Variants in FAT4 observed in about 807,000 individuals in gnomAD.
FAT4 encodes protocadherin Fat 4.
A neutral mutation model predicts 303.9 loss-of-function variants in FAT4; 84 were observed. That is an observed-to-expected ratio of 0.28 (90% CI 0.23 to 0.33). FAT4 has a LOEUF of 0.33. FAT4 is among the 10% of genes least tolerant of loss of function. FAT4 has a pLI of 1.00. For missense variants in FAT4, 6,005 were observed against 6,146.8 expected (o/e 0.98, Z 0.77); for synonymous variants, 2,307 against 2,298.8 (o/e 1.00, Z -0.10).
intron 8 of FAT4, among the ~76,000 whole-genome samples, chr4:125,437,244 A>G (rs1725486491): frequency 6.6e-6 from 1 of 152,132 alleles, no homozygotes; most frequent in African/African-American, 2.4e-5. Flanking sequence ...ATAAGGAAAG[A>G]GGCACTAGAA....
intron 2 of FAT4, among the ~76,000 whole-genome samples, chr4:125,347,237 G>A (rs971135748): frequency 6.7e-6 from 1 of 150,360 alleles, no homozygotes; most frequent in Non-Finnish European, 1.5e-5. Flanking sequence ...CATATATTAT[G>A]TCTATGTATT....
In FAT4 at chr4:125,452,390, C is replaced by T. The variant is rs201859188; in HGVS notation, c.11380C>T (p.Arg3794Trp). 1.7e-4 allele frequency: 272 copies of T among 1,614,028 alleles called. No individual in the cohort carries two copies. Among genetic ancestry groups the T allele is most frequent in the Middle Eastern group, 8.2e-4 (5 of 6,084 alleles). Residue 3794 changes from arginine to tryptophan, a missense_variant, in exon 10 of 18, where the codon CGG (arginine) becomes TGG (tryptophan). Transcript: ENST00000394329. The part of the protein sequence containing the change: ...FFESIKEILL[R>W]QSGVKVESVD... The stretch of plus-strand genomic sequence containing the variant: ...TGAAAGCATCAAAGAGATCCTTCTC[C>T]GGCAGAGTGGAGTAAAGGTGGAATC...
At chr4:125,391,056 T>A (rs2126006616) in intron 2 of FAT4, among the ~76,000 whole-genome samples, 1 of 152,262 alleles carries the variant, frequency 6.6e-6, no homozygotes, top group Admixed American at 6.5e-5. Flanking sequence ...ATAAGAACAC[T>A]TTTACACTGT....
chr4:125,319,701 G>A lies in FAT4; in HGVS notation c.3290G>A (p.Arg1097Lys), dbSNP rs1478232182. 2 of 1,614,014 alleles carry A rather than the reference G, an allele frequency of 1.2e-6. No homozygotes were observed. The highest frequency in any genetic ancestry group is 1.7e-5 in the Admixed American group (1 of 60,022). Residue 1097 changes from arginine to lysine, a missense_variant, in exon 2 of 18, where the codon AGA becomes AAA. By Grantham distance (26) the Arg-to-Lys change is conservative. Coordinates refer to ENST00000394329, the MANE Select transcript of FAT4 (RefSeq NM_001291303.3). Reference protein sequence around the residue: ...TVILEDVNDNRPLFNSTNYTF... With the variant: ...TVILEDVNDNKPLFNSTNYTF... ...ATTTTAGAAGATGTAAATGATAACA[G>A]ACCTCTTTTTAACAGTACCAATTAC...
In FAT4 at chr4:125,481,556, A is replaced by C; in HGVS notation, c.12640A>C (p.Lys4214Gln). Residue 4214 changes from lysine to glutamine, a missense_variant, in exon 16 of 18, where the codon AAA (lysine) becomes CAA (glutamine). Lys to Gln is a moderately conservative substitution (Grantham distance 53). Transcript: ENST00000394329. The part of the protein sequence containing the change: ...TPDTALSLEG[K>Q]GRLDYHMSQN... Reference sequence around the variant, plus strand: ...TGACACTGCCTTATCATTAGAAGGCAAAGGGCGCTTGGACTACCACATGAG... The same window carrying C: ...TGACACTGCCTTATCATTAGAAGGCCAAGGGCGCTTGGACTACCACATGAG... 6.2e-7 allele frequency: 1 copy of C among 1,614,052 alleles called. No individual in the cohort carries two copies. The highest frequency in any genetic ancestry group is 8.5e-7 in the Non-Finnish European group (1 of 1,179,932).
In FAT4 at chr4:125,398,931, C is replaced by T. The variant is rs891350686; in HGVS notation, c.5307+16C>T. 10 of 1,611,738 alleles carry T rather than the reference C, an allele frequency of 6.2e-6. No individual in the cohort carries two copies. In the African/African-American group the frequency reaches 1.2e-4, roughly 19 times the overall value. ...TGCTGATGAGGTAGCTCAAGCATGT[C>T]TCTGAATTTGTGAAACTTCGTAGTG... is the stretch of plus-strand genomic sequence containing the variant. On this transcript the variant is annotated intron_variant, in intron 3 of 17. Transcript: ENST00000394329.
At chr4:125,422,062 A>G (rs1724919913) in intron 7 of FAT4, among the ~76,000 whole-genome samples, 1 of 152,180 alleles carries the variant, frequency 6.6e-6, no homozygotes, top group African/African-American at 2.4e-5. Context: ...CTTTCCCCAA[A>G]TAAATAAATG....
chr4:125,443,912 TA>T (rs1340232605), intron 8 of FAT4, among the ~76,000 whole-genome samples: 3 of 152,176 alleles, frequency 2.0e-5, no homozygotes, highest in African/African-American at 4.8e-5. Context: ...CTTCTATTTT[TA>T]AAATTAGAAG....
chr4:125,422,669 T>A (rs1002239369), intron 7 of FAT4, among the ~76,000 whole-genome samples: 4 of 152,170 alleles, frequency 2.6e-5, no homozygotes, highest in Non-Finnish European at 5.9e-5. Context: ...GTCTTGGGTA[T>A]GTCTTTATTA....
rs1373960393 is a variant in FAT4, at chr4:125,315,165, G to A, written c.-825G>A. The stretch of plus-strand genomic sequence containing the variant: ...CGGGAGGTGGAGAAGGGCTCGCGGA[G>A]CCCTAGCTCCACCGCAGTCCAACCT... On this transcript the variant is annotated 5_prime_UTR_variant, in exon 1 of 18. Transcript: ENST00000394329. Among the ~76,000 whole-genome samples, 1 of 151,916 alleles carries A rather than the reference G, an allele frequency of 6.6e-6. No individual in the cohort carries two copies. The highest frequency in any genetic ancestry group is 1.5e-5 in the Non-Finnish European group (1 of 67,972).
intron 17 of FAT4, among the ~76,000 whole-genome samples, 197 bp from the exon 18 acceptor site, chr4:125,489,704 C>T (rs1727537064): frequency 6.6e-6 from 1 of 152,010 alleles, no homozygotes; most frequent in Admixed American, 6.5e-5. Flanking sequence ...AATCTTAACG[C>T]ACCTTGCTAA....
chr4:125,476,530 A>ATGAC (rs1727034384), intron 13 of FAT4, among the ~76,000 whole-genome samples: 1 of 152,182 alleles, frequency 6.6e-6, no homozygotes, highest in Admixed American at 6.5e-5. Context: ...ATAATTGCAT[A>ATGAC]TGACCTTCAT....
Position 125,321,117 on chromosome 4 carries a change from A to G in FAT4, c.4706A>G (p.Asn1569Ser), listed in dbSNP as rs768412027. ...ANGEIEYEII[N>S]GDTDTFIVDR... The stretch of plus-strand genomic sequence containing the variant: ...GGAGAAATAGAGTATGAGATCATCA[A>G]TGGGGACACAGACACCTTCATTGTT... The change falls in exon 2 of 18, where the codon AAT (asparagine) becomes AGT (serine). Residue 1569 changes from asparagine (N) to serine (S), a missense_variant. By Grantham distance (46) the Asn-to-Ser change is conservative. Transcript: ENST00000394329. The G allele has an allele frequency of 3.9e-5, 63 of 1,614,180 alleles. No homozygotes were observed. The highest frequency in any genetic ancestry group is 3.3e-4 in the Middle Eastern group (2 of 6,062).
intron 2 of FAT4, among the ~76,000 whole-genome samples, chr4:125,388,066 C>G (rs748328695): frequency 5.3e-5 from 8 of 152,176 alleles, no homozygotes; most frequent in Non-Finnish European, 1.2e-4. Context: ...TATCTCTAGT[C>G]TTTCTGGTAG....
intron 10 of FAT4, among the ~76,000 whole-genome samples, chr4:125,456,166 G>A (rs1205432965): frequency 6.6e-6 from 1 of 152,152 alleles, no homozygotes; most frequent in East Asian, 1.9e-4. Context: ...TTGCAATATG[G>A]AAAGGTAGGA....
Position 125,317,196 on chromosome 4 carries a change from A to G in FAT4, c.785A>G (p.Asp262Gly). The change falls in exon 2 of 18, where the codon GAC (aspartate) becomes GGC (glycine). Residue 262 changes from aspartate to glycine, a missense_variant. Coordinates refer to ENST00000394329, the MANE Select transcript of FAT4 (RefSeq NM_001291303.3). This position sits in a 1 kb window ranked among gnomAD's most constrained non-coding sequence, Gnocchi z 7.0. The stretch of plus-strand genomic sequence containing the variant: ...CACTACCAGGCGGGGGTGCCTGAGG[A>G]CGCGGTTGTGGGTTCCAGCGTCCTC... ...SSHYQAGVPE[D>G]AVVGSSVLQV... The G allele has an allele frequency of 3.1e-6, 5 of 1,594,426 alleles. No homozygotes were observed. The highest frequency in any genetic ancestry group is 4.3e-6 in the Non-Finnish European group (5 of 1,167,598).
intron 2 of FAT4, among the ~76,000 whole-genome samples, chr4:125,364,712 G>GT (rs1462803271): frequency 2.0e-5 from 3 of 151,950 alleles, no homozygotes; most frequent in Admixed American, 6.6e-5. Flanking sequence ...AGGAAGTGAG[G>GT]TTTTTTCAGC....
chr4:125,481,588 T>A lies in FAT4; in HGVS notation c.12672T>A (p.Asn4224Lys). Residue 4224 changes from asparagine (N) to lysine (K), a missense_variant, in exon 16 of 18, where the codon AAT (asparagine) becomes AAA (lysine). By Grantham distance (94) the Asn-to-Lys change is moderately conservative (BLOSUM62 0). Transcript: ENST00000394329. ...GCTTGGACTACCACATGAGTCAGAA[T>A]GAGAAGCGGGAATATTTGTTAAGGC... ...KGRLDYHMSQ[N>K]EKREYLLRQS... 3 of 1,614,070 alleles carry A rather than the reference T, an allele frequency of 1.9e-6. No homozygotes were observed. Among genetic ancestry groups the A allele is most frequent in the African/African-American group, 1.3e-5 (1 of 75,052 alleles).
At chr4:125,470,987 T>C (rs1344010006) in intron 12 of FAT4, among the ~76,000 whole-genome samples, 2 of 152,216 alleles carry the variant, frequency 1.3e-5, no homozygotes, top group African/African-American at 4.8e-5. Flanking sequence ...CAACTCTTCC[T>C]TTCACTTGAG....
Sources: gnomAD v4.1 joint callset for allele counts (sites outside exome capture counted in the v4.1 genomes callset) on GRCh38, gnomAD v4.1.1 for gene constraint, Gnocchi (gnomAD v3.1) non-coding constraint, MANE v1.5 for transcripts, NCBI Gene and HGNC (gene_info 2026-07-23, HGNC 2026-07-21) for gene names.